Variants in EBF1 observed in about 807,000 individuals in gnomAD.
The protein encoded by EBF1 is EBF transcription factor 1, also known as transcription factor COE1.
A neutral mutation model predicts 68.4 loss-of-function variants in EBF1; 10 were observed. The observed-to-expected ratio is 0.15, with a 90% CI of 0.09 to 0.25. EBF1 has a LOEUF of 0.25. Ranked by LOEUF, EBF1 falls within the 10% of genes least tolerant of loss-of-function variation. The pLI, the probability that EBF1 is intolerant of heterozygous loss-of-function variation, is 1.00. For missense variants in EBF1, 509 were observed against 794.4 expected, an observed-to-expected ratio of 0.64 and a Z score of 4.32; for synonymous variants, 298 against 299.8, an observed-to-expected ratio of 0.99 and a Z score of 0.06.
intron 6 of EBF1, among the ~76,000 whole-genome samples, chr5:158,868,473 T>C (rs2128052519): frequency 6.6e-6 from 1 of 152,334 alleles, no homozygotes; most frequent in Non-Finnish European, 1.5e-5. Context: ...TGGGTTTGTT[T>C]GTTTTTTTCT....
At chr5:158,867,092 G>A (rs1259585322) in intron 6 of EBF1, among the ~76,000 whole-genome samples, 1 of 151,926 alleles carries the variant, frequency 6.6e-6, no homozygotes, top group African/African-American at 2.4e-5. Context: ...TCCCATAAAA[G>A]TGGTCAATGT....
chr5:158,999,601 C>G (rs1047593834), intron 6 of EBF1, among the ~76,000 whole-genome samples: 5 of 152,164 alleles, frequency 3.3e-5, no homozygotes, highest in African/African-American at 1.2e-4. Flanking sequence ...AAACAGAGAA[C>G]TGATCAGTGT....
At chr5:159,021,516 G>T (rs1305163295) in intron 6 of EBF1, among the ~76,000 whole-genome samples, 7 of 152,220 alleles carry the variant, frequency 4.6e-5, no homozygotes, top group Non-Finnish European at 1.5e-5. Context: ...TGTGAGGTCA[G>T]GCAAAAGTAC....
chr5:159,059,015 G>C (rs559337413), intron 6 of EBF1, among the ~76,000 whole-genome samples: 107 of 152,250 alleles, frequency 7.0e-4, no homozygotes, highest in African/African-American at 2.3e-3. Flanking sequence ...CTGCCATGTA[G>C]CCACCATTTC....
At chr5:158,922,699 T>A (rs575573689) in intron 6 of EBF1, among the ~76,000 whole-genome samples, 1 of 152,310 alleles carries the variant, frequency 6.6e-6, no homozygotes, top group East Asian at 1.9e-4. Context: ...AGAGAAAAAT[T>A]AAGTCTCCAG....
At chr5:158,910,659 G>A (rs1371036588) in intron 6 of EBF1, among the ~76,000 whole-genome samples, 3 of 152,148 alleles carry the variant, frequency 2.0e-5, no homozygotes, top group Non-Finnish European at 1.5e-5. Context: ...GAAATACCTA[G>A]TAATTTTTTC....
At chr5:158,836,401 A>C (rs1437196983) in intron 7 of EBF1, among the ~76,000 whole-genome samples, 2 of 152,194 alleles carry the variant, frequency 1.3e-5, no homozygotes, top group Non-Finnish European at 2.9e-5. Context: ...CATCCCTTGT[A>C]GGGAGTTCAG....
intron 4 of EBF1, among the ~76,000 whole-genome samples, chr5:159,094,941 T>C (rs867611905): frequency 3.3e-5 from 5 of 152,314 alleles, no homozygotes; most frequent in Middle Eastern, 6.8e-3. Flanking sequence ...AACCTTAATG[T>C]ATACTGCTTG....
chr5:159,068,423 A>C (rs1054627573), intron 6 of EBF1, among the ~76,000 whole-genome samples: 2 of 151,864 alleles, frequency 1.3e-5, no homozygotes, highest in Non-Finnish European at 2.9e-5. Flanking sequence ...AGATAGATAG[A>C]TCTCTCCTAA....
intron 6 of EBF1, among the ~76,000 whole-genome samples, chr5:158,867,512 T>C (rs1796142469): frequency 6.6e-6 from 1 of 152,124 alleles, no homozygotes; most frequent in East Asian, 1.9e-4. Flanking sequence ...ACAGAGACAC[T>C]TTGGGTCTTT....
chr5:159,090,257 G>GA (rs59655056), intron 4 of EBF1, among the ~76,000 whole-genome samples: 34 of 138,158 alleles, frequency 2.5e-4, no homozygotes, highest in Admixed American at 3.7e-4. Flanking sequence ...AAAAAAGAAA[G>GA]AAAAAAAAAA....
At chr5:158,970,313 C>G (rs1755379855) in intron 6 of EBF1, among the ~76,000 whole-genome samples, 1 of 152,168 alleles carries the variant, frequency 6.6e-6, no homozygotes, top group Admixed American at 6.5e-5. Flanking sequence ...ATTACACTAG[C>G]AAACCAATCA....
Position 158,696,754 on chromosome 5 carries a change from G to C in EBF1, c.*2357C>G, listed in dbSNP as rs990299331. On this transcript the variant is annotated 3_prime_UTR_variant, in exon 16 of 16. Transcript: ENST00000313708. ...CCCAACCCATAAAAATCGCACTCTT[G>C]ACAGCCTAGTGAAAACCATTGCAAA... The C allele has an allele frequency of 1.9e-5, 2 of 107,964 alleles. No individual in the cohort carries two copies. Among genetic ancestry groups the C allele is most frequent in the Non-Finnish European group, 3.3e-5 (2 of 60,324 alleles). The allele number at this position is 107,964 out of a possible 1,614,324, so 6.7% of individuals were successfully genotyped here.
chr5:159,012,750 T>C lies in EBF1; in HGVS notation c.554+60646A>G, dbSNP rs561023157. On this transcript the variant is annotated intron_variant, in intron 6 of 15. Coordinates refer to ENST00000313708, the MANE Select transcript of EBF1 (RefSeq NM_024007.5). ...CTAGCCTCAGGCAATCCTCCCAACTTGGCAACCCAAAGTGCTGGAATTATA... is the reference window on the plus strand; with the variant it reads ...CTAGCCTCAGGCAATCCTCCCAACTCGGCAACCCAAAGTGCTGGAATTATA... 1.1e-4 allele frequency among the ~76,000 whole-genome samples: 17 copies of C among 152,282 alleles called. No individual in the cohort carries two copies. In the East Asian group the frequency reaches 3.3e-3, roughly 29 times the overall value.
At chr5:159,078,178 C>A (rs1206312633) in intron 5 of EBF1, among the ~76,000 whole-genome samples, 1 of 152,142 alleles carries the variant, frequency 6.6e-6, no homozygotes, top group Admixed American at 6.5e-5. Flanking sequence ...AGAGTGAGGA[C>A]CTCTCCTTTG....
chr5:158,814,589 G>A (rs886636766), intron 8 of EBF1, among the ~76,000 whole-genome samples: 21 of 152,022 alleles, frequency 1.4e-4, no homozygotes, highest in African/African-American at 4.8e-4. Flanking sequence ...TATCCAAATC[G>A]GTTTCCCATG....
chr5:158,751,314 G>A (rs1418101474), intron 10 of EBF1, among the ~76,000 whole-genome samples: 1 of 151,760 alleles, frequency 6.6e-6, no homozygotes, highest in African/African-American at 2.4e-5. Flanking sequence ...TAGAATGAAT[G>A]GAAGGTAGGA....
chr5:159,051,226 A>C (rs1469929521), intron 6 of EBF1, among the ~76,000 whole-genome samples: 3 of 151,956 alleles, frequency 2.0e-5, no homozygotes, highest in Non-Finnish European at 4.4e-5. Context: ...TTTAATTCTC[A>C]AATATTCTCA....
At chr5:159,083,976 T>C (rs1780169774) in intron 5 of EBF1, among the ~76,000 whole-genome samples, 1 of 152,366 alleles carries the variant, frequency 6.6e-6, no homozygotes, top group South Asian at 2.1e-4. Context: ...TTTGGTCTAC[T>C]TGCCTGTTTT....
Sources: gnomAD v4.1 joint callset for allele counts (sites outside exome capture counted in the v4.1 genomes callset) on GRCh38, gnomAD v4.1.1 for gene constraint, MANE v1.5 for transcripts, NCBI Gene and HGNC (gene_info 2026-07-23, HGNC 2026-07-21) for gene names.